GABBR2: variants seen among roughly 807,000 people sequenced by gnomAD.
GABBR2 encodes gamma-aminobutyric acid type B receptor subunit 2.
A neutral mutation model predicts 105.6 loss-of-function variants in GABBR2; 23 were observed. The observed-to-expected ratio is 0.22, with a 90% confidence interval of 0.16 to 0.31. The LOEUF (loss-of-function observed/expected upper bound fraction) is 0.31. GABBR2 is among the 10% of genes least tolerant of loss of function. The pLI is 1.00. For synonymous variants in GABBR2, 478 were observed against 499.7 expected (o/e 0.96, Z 0.58); for missense variants, 734 against 1,245.5 (o/e 0.59, Z 6.18).
chr9:98,537,775 T>C (rs1202909786), intron 3 of GABBR2, among the ~76,000 whole-genome samples: 1 of 152,094 alleles, frequency 6.6e-6, no homozygotes, highest in Non-Finnish European at 1.5e-5. Context: ...AACTGTACAT[T>C]AACAACGGAT....
chr9:98,468,217 C>T (rs895379241), intron 6 of GABBR2, among the ~76,000 whole-genome samples: 23 of 152,258 alleles, frequency 1.5e-4, no homozygotes, highest in Middle Eastern at 3.4e-3. Flanking sequence ...ATTCCTCCTA[C>T]CAGAAAACTC....
chr9:98,493,124 T>G (rs1827212711), intron 4 of GABBR2, among the ~76,000 whole-genome samples: 1 of 152,214 alleles, frequency 6.6e-6, no homozygotes, highest in Non-Finnish European at 1.5e-5. Context: ...TTGGGTTATA[T>G]TCTAATACTA....
At chr9:98,563,419 C>T (rs938537031) in intron 2 of GABBR2, among the ~76,000 whole-genome samples, 6 of 152,150 alleles carry the variant, frequency 3.9e-5, no homozygotes, top group African/African-American at 1.2e-4. Flanking sequence ...CGGTTACGGA[C>T]GCATCCACCG....
intron 1 of GABBR2, among the ~76,000 whole-genome samples, chr9:98,602,420 C>T (rs984189488): frequency 2.1e-5 from 3 of 142,532 alleles, no homozygotes; most frequent in East Asian, 2.1e-4. Flanking sequence ...TGCAGTGAGC[C>T]GAGATCGCAC....
chr9:98,571,544 G>A (rs80339899), intron 2 of GABBR2, among the ~76,000 whole-genome samples: 3,037 of 152,224 alleles, frequency 0.02, 137 homozygotes, highest in East Asian at 0.16. Context: ...TTTGATCAGC[G>A]GGGAATACAG....
chr9:98,291,204 T>C (rs1777032169), intron 18 of GABBR2, among the ~76,000 whole-genome samples: 1 of 152,242 alleles, frequency 6.6e-6, no homozygotes, highest in South Asian at 2.1e-4. Flanking sequence ...AGTTGGGCCA[T>C]ATCATCTAAC....
In GABBR2 at chr9:98,416,822, C is replaced by A. The variant is rs576278273; in HGVS notation, c.1237-10681G>T. ...CAGTGCTCCTTCTGTACTCCTTCCT[C>A]CTCCCATCACCTATTAAACAATTCC... On this transcript the variant is annotated intron_variant, in intron 7 of 18. Coordinates refer to ENST00000259455, the MANE Select transcript of GABBR2 (RefSeq NM_005458.8). Among the ~76,000 whole-genome samples, 12 of 152,354 alleles carry A rather than the reference C, an allele frequency of 7.9e-5. No homozygotes were observed. The East Asian group carries it at 2.3e-3, about 29-fold the overall frequency.
At chr9:98,635,172 T>G (rs1208674942) in intron 1 of GABBR2, among the ~76,000 whole-genome samples, 1 of 152,228 alleles carries the variant, frequency 6.6e-6, no homozygotes, top group Non-Finnish European at 1.5e-5. Context: ...AAGACAATCT[T>G]TCCCTGATTA....
chr9:98,397,213 C>T (rs1391550867), intron 8 of GABBR2, among the ~76,000 whole-genome samples: 4 of 152,210 alleles, frequency 2.6e-5, no homozygotes, highest in African/African-American at 9.6e-5. Flanking sequence ...TAAAGCATCT[C>T]TCAAAAGCAG....
intron 13 of GABBR2, among the ~76,000 whole-genome samples, chr9:98,344,519 C>T (rs181738097): frequency 3.5e-4 from 54 of 152,276 alleles, no homozygotes; most frequent in Non-Finnish European, 7.2e-4. Flanking sequence ...CCTGTCAGTC[C>T]TTGCCTCAGT....
intron 7 of GABBR2, among the ~76,000 whole-genome samples, chr9:98,421,798 A>G (rs1378227788): frequency 6.6e-6 from 1 of 152,240 alleles, no homozygotes. Context: ...TATAAGGGAA[A>G]GCAAAACTTA....
intron 1 of GABBR2, among the ~76,000 whole-genome samples, chr9:98,641,471 G>A (rs1292980917): frequency 1.3e-5 from 2 of 152,062 alleles, no homozygotes; most frequent in African/African-American, 4.8e-5. Flanking sequence ...CCCTCCTTCA[G>A]ATACCTGTCA....
intron 7 of GABBR2, among the ~76,000 whole-genome samples, chr9:98,443,066 G>A (rs1826059493): frequency 1.3e-5 from 2 of 152,204 alleles, no homozygotes; most frequent in Admixed American, 6.5e-5. Context: ...ACAGGTGAAT[G>A]TGAGGATTAA....
At position 98,514,372 on chromosome 9, in the gene GABBR2, T is replaced by C. The variant is rs1827715213; in HGVS notation, c.631-17858A>G. ...ATACATATGTAACTAACCTGCACAA[T>C]GTGCACATGTACCCTAAAACTTAAA... is the stretch of plus-strand genomic sequence containing the variant. On this transcript the variant is annotated intron_variant, in intron 3 of 18. Transcript: ENST00000259455. Among the ~76,000 whole-genome samples, 2 of 119,142 alleles carry C rather than the reference T, an allele frequency of 1.7e-5. 1 individual carries two copies. Among genetic ancestry groups the C allele is most frequent in the Non-Finnish European group, 3.8e-5 (2 of 52,854 alleles). The allele number at this position is 119,142 out of a possible 152,430, so 78.2% of individuals were successfully genotyped here. A position where few individuals can be genotyped will look rare whatever the true frequency, so the allele number is the denominator to read the frequency against.
chr9:98,330,322 A>G (rs1282469177), intron 13 of GABBR2, among the ~76,000 whole-genome samples: 1 of 140,280 alleles, frequency 7.1e-6, no homozygotes, highest in Non-Finnish European at 1.5e-5. Flanking sequence ...GTTGAAATGC[A>G]TGCATCTTTC....
At chr9:98,632,060 T>C (rs947175268) in intron 1 of GABBR2, among the ~76,000 whole-genome samples, 1 of 152,178 alleles carries the variant, frequency 6.6e-6, no homozygotes, top group Non-Finnish European at 1.5e-5. Context: ...CCAGCCCCAA[T>C]TGTCTAGACA....
intron 3 of GABBR2, among the ~76,000 whole-genome samples, chr9:98,539,967 C>G (rs1400536555): frequency 6.6e-6 from 1 of 151,590 alleles, no homozygotes; most frequent in East Asian, 1.9e-4. Context: ...GCAAGTCTCT[C>G]TAAATCCTAG....
At chr9:98,684,583 A>G (rs938838054) in intron 1 of GABBR2, among the ~76,000 whole-genome samples, 4 of 152,204 alleles carry the variant, frequency 2.6e-5, no homozygotes, top group African/African-American at 9.6e-5. Context: ...CCAAAGTCCA[A>G]CCGAAACTGC....
chr9:98,299,828 C>T (rs537402130), intron 16 of GABBR2, among the ~76,000 whole-genome samples: 121 of 152,150 alleles, frequency 8.0e-4, no homozygotes, highest in African/African-American at 2.8e-3. Context: ...AAAGTTTAGC[C>T]CAGTGTCTGA....
Sources: gnomAD v4.1 joint callset for allele counts (sites outside exome capture counted in the v4.1 genomes callset) on GRCh38, gnomAD v4.1.1 for gene constraint, MANE v1.5 for transcripts, NCBI Gene and HGNC (gene_info 2026-07-23, HGNC 2026-07-21) for gene names.